The following CNTNAP4 variants were observed in gnomAD, a reference collection of about 807,000 sequenced individuals.
CNTNAP4 encodes the protein contactin associated protein family member 4.
Under a neutral mutation model 148.4 loss-of-function variants are expected in CNTNAP4, and 98 were observed. The ratio of observed to expected loss-of-function variants is 0.66; its 90% CI spans 0.56 to 0.78. The LOEUF (loss-of-function observed/expected upper bound fraction) is 0.78, where lower values mean the gene tolerates loss of function less well. Ranked by LOEUF, CNTNAP4 falls within the 30% of genes least tolerant of loss-of-function variation. CNTNAP4 has a pLI of 0.00. For missense variants in CNTNAP4, 1,935 were observed against 1,565.6 expected (o/e 1.24, Z -3.98); for synonymous variants, 730 against 565.1 (o/e 1.29, Z -4.14).
intron 3 of CNTNAP4, among the ~76,000 whole-genome samples, chr16:76,384,054 A>AT (rs571513468): frequency 5.2e-4 from 79 of 151,324 alleles, no homozygotes; most frequent in Non-Finnish European, 9.0e-4. Flanking sequence ...TTATTTATTT[A>AT]TTTTTTTGAG....
At chr16:76,541,389 G>T (rs1322389545) in intron 21 of CNTNAP4, among the ~76,000 whole-genome samples, 1 of 152,098 alleles carries the variant, frequency 6.6e-6, no homozygotes, top group Non-Finnish European at 1.5e-5. Context: ...ATCAGAATAT[G>T]TTTGCATTTT....
chr16:76,343,390 C>A (rs1315498342), intron 2 of CNTNAP4, among the ~76,000 whole-genome samples: 2 of 152,032 alleles, frequency 1.3e-5, no homozygotes, highest in African/African-American at 4.8e-5. Context: ...TATGTTTTTT[C>A]CCTCTTCTGC....
chr16:76,306,847 C>A (rs150306661), intron 1 of CNTNAP4, among the ~76,000 whole-genome samples: 8 of 152,134 alleles, frequency 5.3e-5, no homozygotes, highest in African/African-American at 1.9e-4. Flanking sequence ...ACATGAAGTT[C>A]TTGCAGTTCT....
chr16:76,530,670 T>A (rs141799605), intron 17 of CNTNAP4, among the ~76,000 whole-genome samples: 1 of 152,180 alleles, frequency 6.6e-6, no homozygotes, highest in Admixed American at 6.6e-5. Context: ...TGAATTTTCT[T>A]CCCATGACAC....
At chr16:76,500,597 CTCT>C (rs1312364126) in intron 15 of CNTNAP4, among the ~76,000 whole-genome samples, 1 of 44,542 alleles carries the variant, frequency 2.2e-5, no homozygotes, top group African/African-American at 5.4e-5. Context: ...ACCTGTAAAT[CTCT>C]TTTTTTTTTT....
chr16:76,313,572 T>G (rs1961380653), intron 1 of CNTNAP4, among the ~76,000 whole-genome samples: 2 of 152,184 alleles, frequency 1.3e-5, no homozygotes, highest in African/African-American at 4.8e-5. Context: ...ACAACTGGAT[T>G]GGCTGGCTTT....
At chr16:76,322,775 A>G (rs961323553) in intron 2 of CNTNAP4, among the ~76,000 whole-genome samples, 7 of 152,144 alleles carry the variant, frequency 4.6e-5, no homozygotes, top group South Asian at 2.1e-4. Flanking sequence ...ATCTCAGAGA[A>G]TTCTGACCTC....
chr16:76,526,811 C>T (rs957599296), intron 17 of CNTNAP4, among the ~76,000 whole-genome samples: 1 of 151,826 alleles, frequency 6.6e-6, no homozygotes, highest in Non-Finnish European at 1.5e-5. Flanking sequence ...GTAGCTGGCA[C>T]CACAGGTACA....
chr16:76,498,311 T>C (rs901233664), intron 14 of CNTNAP4, among the ~76,000 whole-genome samples: 1 of 152,156 alleles, frequency 6.6e-6, no homozygotes, highest in African/African-American at 2.4e-5. Flanking sequence ...AGAATGGATT[T>C]AACCCAGAAA....
chr16:76,501,778 T>C (rs990036350), intron 15 of CNTNAP4, among the ~76,000 whole-genome samples: 1 of 152,074 alleles, frequency 6.6e-6, no homozygotes, highest in African/African-American at 2.4e-5. Flanking sequence ...ACATTAGCAC[T>C]AAGAATTTAC....
chr16:76,459,116 G>T (rs370893494), intron 8 of CNTNAP4, among the ~76,000 whole-genome samples: 1 of 152,294 alleles, frequency 6.6e-6, no homozygotes, highest in East Asian at 1.9e-4. Flanking sequence ...GTAGAGTCTT[G>T]CACACAGGGC....
intron 15 of CNTNAP4, among the ~76,000 whole-genome samples, chr16:76,502,254 T>C (rs1233953128): frequency 6.6e-6 from 1 of 152,170 alleles, no homozygotes; most frequent in African/African-American, 2.4e-5. Flanking sequence ...AAGGACTATT[T>C]TCTGCATGAA....
intron 3 of CNTNAP4, among the ~76,000 whole-genome samples, chr16:76,360,374 C>G (rs942132276): frequency 1.3e-5 from 2 of 152,158 alleles, no homozygotes; most frequent in African/African-American, 4.8e-5. Context: ...TGTTTTAAGT[C>G]AAATAAGGGC....
intron 3 of CNTNAP4, among the ~76,000 whole-genome samples, chr16:76,358,445 C>T (rs2012986936): frequency 1.3e-5 from 2 of 152,130 alleles, no homozygotes; most frequent in Non-Finnish European, 1.5e-5. Context: ...GATTCCTAAG[C>T]ATTTGGAAAT....
chr16:76,321,937 C>T (rs1384588288), intron 2 of CNTNAP4, among the ~76,000 whole-genome samples: 1 of 151,682 alleles, frequency 6.6e-6, no homozygotes, highest in Non-Finnish European at 1.5e-5. Context: ...GAAAGGGGAA[C>T]CTGGCTGGCA....
chr16:76,347,037 T>A (rs1266307613), intron 2 of CNTNAP4, among the ~76,000 whole-genome samples: 1 of 152,128 alleles, frequency 6.6e-6, no homozygotes, highest in South Asian at 2.1e-4. Flanking sequence ...TGAAAAAGCA[T>A]CTCTTTTTCA....
rs200103953 is a variant in CNTNAP4 at position 76,305,745 on chromosome 16, G to T, written c.86-10668G>T. Among the ~76,000 whole-genome samples, 6 of 151,538 alleles carry T rather than the reference G, an allele frequency of 4.0e-5. No individual in the cohort carries two copies. The East Asian group carries it at 1.2e-3, about 29-fold the overall frequency. On this transcript the variant is annotated intron_variant, in intron 1 of 23. Coordinates refer to ENST00000611870, the MANE Select transcript of CNTNAP4 (RefSeq NM_033401.5). Reference sequence around the variant, plus strand: ...GTACATGTGTAGATTTGCTACATGGGTATATTGCACCCAGGTAGTGAGACT... The same window carrying T: ...GTACATGTGTAGATTTGCTACATGGTTATATTGCACCCAGGTAGTGAGACT...
At chr16:76,539,918 G>C (rs957537431) in intron 20 of CNTNAP4, 66 bp downstream of exon 20, 2 of 1,224,962 alleles carry the variant, frequency 1.6e-6, no homozygotes, top group African/African-American at 1.6e-5. Flanking sequence ...ATCTCAAGCA[G>C]AAATTTGATA....
intron 21 of CNTNAP4, among the ~76,000 whole-genome samples, chr16:76,549,545 T>A (rs1198227089): frequency 1.3e-5 from 2 of 152,024 alleles, no homozygotes; most frequent in Non-Finnish European, 2.9e-5. Flanking sequence ...TAAACCAAAA[T>A]GATTTTCTAT....
Sources: allele counts gnomAD v4.1 joint callset (sites outside exome capture counted in the v4.1 genomes callset), GRCh38; gene constraint gnomAD v4.1.1; transcripts MANE v1.5; gene names NCBI Gene and HGNC (gene_info 2026-07-23, HGNC 2026-07-21).